Variants in PDE4D observed in about 807,000 individuals in gnomAD.
PDE4D encodes the protein 3',5'-cyclic-AMP phosphodiesterase 4D.
PDE4D carries 24 observed loss-of-function variants against 87.4 expected under a neutral mutation model. That is an observed-to-expected ratio of 0.27 (90% CI 0.20 to 0.39). The LOEUF (loss-of-function observed/expected upper bound fraction) is 0.39. Among genes scored for constraint, PDE4D ranks in the 10% least tolerant of loss-of-function variants. The pLI is 1.00. For synonymous variants in PDE4D, 384 were observed against 383.2 expected, an observed-to-expected ratio of 1.00 and a Z score of -0.02; for missense variants, 714 against 1,041.0, an observed-to-expected ratio of 0.69 and a Z score of 4.32.
At chr5:60,460,371 T>G (rs1746829180) in intron 1 of PDE4D, 13 of 1,012,524 alleles carry the variant, frequency 1.3e-5, no homozygotes, top group Non-Finnish European at 2.1e-5. Context: ...ATTCTGTCAT[T>G]TCAACTCTGC....
chr5:60,137,142 ATTCT>A (rs1164758653), intron 2 of PDE4D, among the ~76,000 whole-genome samples: 3 of 152,164 alleles, frequency 2.0e-5, no homozygotes, highest in Non-Finnish European at 1.5e-5. Flanking sequence ...ACAGGATCTC[ATTCT>A]TTATTTATGG....
At chr5:59,732,959 A>G (rs1757586791) in intron 1 of PDE4D, among the ~76,000 whole-genome samples, 1 of 148,694 alleles carries the variant, frequency 6.7e-6, no homozygotes, top group Non-Finnish European at 1.5e-5. Flanking sequence ...CAGTGATGGT[A>G]TCCATTTAAT....
chr5:59,987,074 C>T (rs577564745), intron 3 of PDE4D: 93 of 152,256 alleles, frequency 6.1e-4, no homozygotes, highest in African/African-American at 2.2e-3. Flanking sequence ...CACATCAGAG[C>T]CATGAATATG....
At chr5:59,535,568 T>C (rs550022976) in intron 1 of PDE4D, among the ~76,000 whole-genome samples, 2 of 152,322 alleles carry the variant, frequency 1.3e-5, no homozygotes, top group South Asian at 2.1e-4. Flanking sequence ...TTGGGCCCTG[T>C]TGTCAACAAT....
At chr5:59,324,759 G>A (rs1421918220) in intron 1 of PDE4D, among the ~76,000 whole-genome samples, 1 of 152,060 alleles carries the variant, frequency 6.6e-6, no homozygotes, top group East Asian at 1.9e-4. Context: ...ACCTCAGGAT[G>A]GCTTTGGTTT....
intron 2 of PDE4D, among the ~76,000 whole-genome samples, chr5:60,181,848 G>T (rs566433713): frequency 1.3e-5 from 2 of 151,938 alleles, no homozygotes; most frequent in African/African-American, 4.8e-5. Context: ...AGAATAACAG[G>T]GATATTATAA....
intron 2 of PDE4D, among the ~76,000 whole-genome samples, chr5:60,129,335 A>G (rs1779379665): frequency 6.6e-6 from 1 of 152,210 alleles, no homozygotes; most frequent in Admixed American, 6.5e-5. Context: ...CAATGGTATA[A>G]TAATGGAACT....
chr5:59,217,361 C>G, intron 1 of PDE4D: 1 of 442,094 alleles, frequency 2.3e-6, no homozygotes, highest in South Asian at 1.6e-5. Context: ...CATTTTAAAA[C>G]ATTCCTTTAT....
chr5:59,002,815 A>T (rs553642892), intron 6 of PDE4D, among the ~76,000 whole-genome samples: 21 of 152,224 alleles, frequency 1.4e-4, no homozygotes, highest in Non-Finnish European at 1.5e-4. Context: ...ATTTCAAAGT[A>T]TTAGGTTTGA....
intron 1 of PDE4D, among the ~76,000 whole-genome samples, chr5:59,459,772 G>A (rs1355894899): frequency 2.6e-5 from 4 of 152,136 alleles, no homozygotes; most frequent in Non-Finnish European, 5.9e-5. Flanking sequence ...TCAGTCCTGT[G>A]TGGTTGTTAA....
At chr5:60,423,909 C>T (rs1743382935) in intron 1 of PDE4D, among the ~76,000 whole-genome samples, 1 of 152,130 alleles carries the variant, frequency 6.6e-6, no homozygotes, top group South Asian at 2.1e-4. Flanking sequence ...CTATAAACAC[C>T]TCTACACAAA....
rs554721822 is a variant in PDE4D at position 59,507,668 on chromosome 5, A to G, written c.456-291700T>C. On this transcript the variant is annotated intron_variant, in intron 1 of 14. Coordinates refer to ENST00000340635, the MANE Select transcript of PDE4D (RefSeq NM_001104631.2). ...TGACAGAGCAATACCCTGTCTCAAAAAAAAAAAAAAAAAAAGAAAAGAAAA... is the reference window on the plus strand; with the variant it reads ...TGACAGAGCAATACCCTGTCTCAAAGAAAAAAAAAAAAAAAGAAAAGAAAA... Among the ~76,000 whole-genome samples the G allele has an allele frequency of 3.5e-5, 5 of 141,960 alleles. No homozygotes were observed. The East Asian group carries it at 7.8e-4, about 22-fold the overall frequency. The allele number at this position is 141,960 out of a possible 152,430, so 93.1% of individuals were successfully genotyped here.
chr5:59,316,331 G>T (rs181783390), intron 1 of PDE4D, among the ~76,000 whole-genome samples: 3 of 152,174 alleles, frequency 2.0e-5, no homozygotes, highest in African/African-American at 7.2e-5. Flanking sequence ...CTGTTTAAAA[G>T]AAACTACCTG....
intron 2 of PDE4D, among the ~76,000 whole-genome samples, chr5:60,178,096 T>C (rs529783613): frequency 6.6e-6 from 1 of 152,304 alleles, no homozygotes; most frequent in African/African-American, 2.4e-5. Flanking sequence ...AAATATTTCA[T>C]CAGATTGTTA....
intron 2 of PDE4D, among the ~76,000 whole-genome samples, chr5:60,005,784 G>C (rs1000970152): frequency 3.3e-5 from 5 of 151,732 alleles, no homozygotes; most frequent in African/African-American, 1.2e-4. Context: ...GATACAATCA[G>C]CAAAATTGAA....
intron 1 of PDE4D, among the ~76,000 whole-genome samples, chr5:60,341,358 T>A (rs189203446): frequency 2.0e-5 from 3 of 152,296 alleles, no homozygotes; most frequent in Admixed American, 2.0e-4. Context: ...TTTCTATCCA[T>A]GCCACGGTGA....
At chr5:59,711,056 T>TA (rs2150507380) in intron 1 of PDE4D, among the ~76,000 whole-genome samples, 1 of 152,302 alleles carries the variant, frequency 6.6e-6, no homozygotes, top group South Asian at 2.1e-4. Flanking sequence ...GAGGGTTCTC[T>TA]ATTGTCTTCT....
intron 3 of PDE4D, among the ~76,000 whole-genome samples, chr5:59,934,496 A>G (rs369086876): frequency 6.6e-6 from 1 of 152,204 alleles, no homozygotes; most frequent in African/African-American, 2.4e-5. Context: ...AAAACTTTCA[A>G]TAAAATTTTA....
chr5:59,217,569 T>C (rs933919041), intron 1 of PDE4D, among the ~76,000 whole-genome samples: 5 of 152,176 alleles, frequency 3.3e-5, no homozygotes, highest in African/African-American at 1.2e-4. Flanking sequence ...ATTGTGTCTC[T>C]TTATAGATAT....
Sources: allele counts gnomAD v4.1 joint callset (sites outside exome capture counted in the v4.1 genomes callset), GRCh38; gene constraint gnomAD v4.1.1; transcripts MANE v1.5; gene names NCBI Gene and HGNC (gene_info 2026-07-23, HGNC 2026-07-21).